SEMA6D: variants seen among roughly 807,000 people sequenced by gnomAD.
The protein encoded by SEMA6D is semaphorin-6D.
A neutral mutation model predicts 106.6 loss-of-function variants in SEMA6D; 35 were observed. The ratio of observed to expected loss-of-function variants is 0.33; its 90% confidence interval spans 0.25 to 0.44. SEMA6D has a LOEUF of 0.44. Ranked by LOEUF, SEMA6D falls within the 20% of genes least tolerant of loss-of-function variation. The probability of loss-of-function intolerance (pLI) is 1.00; values close to 1 mark genes in which losing one functional copy is unlikely to be tolerated. For synonymous variants in SEMA6D, 499 were observed against 487.7 expected (o/e 1.02, Z -0.31); for missense variants, 1,185 against 1,345.9 (o/e 0.88, Z 1.87).
intron 3 of SEMA6D, among the ~76,000 whole-genome samples, chr15:47,479,545 A>G (rs111526418): frequency 8.4e-4 from 128 of 152,300 alleles, no homozygotes; most frequent in African/African-American, 3.0e-3. Context: ...GGACAACTTT[A>G]TGAGGTTGTC....
At chr15:47,739,060 C>T (rs1433231757) in intron 1 of SEMA6D, among the ~76,000 whole-genome samples, 2 of 152,160 alleles carry the variant, frequency 1.3e-5, no homozygotes, top group African/African-American at 4.8e-5. Context: ...GAAGTGGAAG[C>T]TGCCTATGTA....
chr15:47,410,654 C>G (rs1041638054), intron 1 of SEMA6D, among the ~76,000 whole-genome samples: 1 of 152,048 alleles, frequency 6.6e-6, no homozygotes, highest in African/African-American at 2.4e-5. Context: ...TTAAAATGAC[C>G]TGTTCTTCTT....
chr15:47,348,140 A>C (rs1299799935), intron 1 of SEMA6D, among the ~76,000 whole-genome samples: 1 of 152,210 alleles, frequency 6.6e-6, no homozygotes, highest in Non-Finnish European at 1.5e-5. Flanking sequence ...TATTTGCCTC[A>C]TTCCTTACAG....
intron 2 of SEMA6D, among the ~76,000 whole-genome samples, chr15:47,413,812 C>T (rs1178799732): frequency 6.6e-6 from 1 of 152,118 alleles, no homozygotes; most frequent in African/African-American, 2.4e-5. Context: ...ATTTCTTAGT[C>T]CCCATTTTCA....
At chr15:47,216,863 T>C (rs1036828816) in intron 1 of SEMA6D, among the ~76,000 whole-genome samples, 1 of 152,190 alleles carries the variant, frequency 6.6e-6, no homozygotes, top group African/African-American at 2.4e-5. Context: ...TTGCTAATAC[T>C]TCTCATTGGT....
intron 1 of SEMA6D, among the ~76,000 whole-genome samples, chr15:47,202,723 A>G (rs1207526574): frequency 6.6e-6 from 1 of 152,172 alleles, no homozygotes; most frequent in African/African-American, 2.4e-5. Context: ...CTCCTGCTCT[A>G]AAACTTGCCG....
rs189828677 is a variant in SEMA6D at position 47,665,978 on chromosome 15, G to T, written c.-55+65082G>T. 3.4e-3 allele frequency among the ~76,000 whole-genome samples: 521 copies of T among 152,302 alleles called. 3 individuals are homozygous for T. Among genetic ancestry groups the T allele is most frequent in the Middle Eastern group, 6.8e-3 (2 of 294 alleles). On this transcript the variant is annotated intron_variant, in intron 4 of 19. Transcript: ENST00000558014. ...ATTGAGAATAAACTCGGAGTTCCAG[G>T]TTTTTTCTGTTGTTAGACATGTGTC...
intron 3 of SEMA6D, among the ~76,000 whole-genome samples, chr15:47,560,785 T>C (rs2046056012): frequency 6.6e-6 from 1 of 152,094 alleles, no homozygotes; most frequent in Non-Finnish European, 1.5e-5. Context: ...AGTATTATTG[T>C]GTCCTTATAA....
chr15:47,416,045 T>A (rs962457589), intron 2 of SEMA6D, among the ~76,000 whole-genome samples: 1 of 152,100 alleles, frequency 6.6e-6, no homozygotes, highest in African/African-American at 2.4e-5. Context: ...GTCAAAGAAA[T>A]TGCCTGACAT....
At chr15:47,557,589 G>T (rs897449829) in intron 3 of SEMA6D, among the ~76,000 whole-genome samples, 2 of 152,050 alleles carry the variant, frequency 1.3e-5, no homozygotes, top group African/African-American at 4.8e-5. Flanking sequence ...ATGAACCAAG[G>T]ACTTACTACT....
chr15:47,541,565 GA>G (rs2045356481), intron 3 of SEMA6D, among the ~76,000 whole-genome samples: 1 of 152,022 alleles, frequency 6.6e-6, no homozygotes, highest in Non-Finnish European at 1.5e-5. Flanking sequence ...TGGTAGAGGG[GA>G]AAAAAAGAAC....
intron 2 of SEMA6D, among the ~76,000 whole-genome samples, chr15:47,444,444 C>A (rs554417751): frequency 6.6e-6 from 1 of 151,238 alleles, no homozygotes; most frequent in East Asian, 2.0e-4. Flanking sequence ...AAGATCAGGC[C>A]CATGATGCCC....
intron 1 of SEMA6D, among the ~76,000 whole-genome samples, chr15:47,316,789 G>A (rs1266186458): frequency 6.6e-6 from 1 of 151,892 alleles, no homozygotes; most frequent in East Asian, 1.9e-4. Context: ...GTTGTGGTTG[G>A]TTTTTATACA....
intron 1 of SEMA6D, chr15:47,272,905 A>G (rs2034621325): frequency 6.6e-6 from 1 of 152,128 alleles, no homozygotes; most frequent in Admixed American, 6.6e-5. Context: ...TGGACTTTTA[A>G]AAGCCTCTTA....
chr15:47,552,846 A>ATATATAAATATATATATATTTT, intron 3 of SEMA6D, among the ~76,000 whole-genome samples: 1 of 78,290 alleles, frequency 1.3e-5, no homozygotes, highest in Admixed American at 1.9e-4. Context: ...ATATATAAAT[A>ATATATAAATATATATATATTTT]TATATAAATA....
intron 4 of SEMA6D, among the ~76,000 whole-genome samples, chr15:47,703,143 A>T (rs1027001675): frequency 6.6e-6 from 1 of 152,218 alleles, no homozygotes; most frequent in African/African-American, 2.4e-5. Context: ...GACACGATCC[A>T]CTGAAATAAC....
intron 3 of SEMA6D, among the ~76,000 whole-genome samples, chr15:47,549,688 T>C (rs2045625190): frequency 6.6e-6 from 1 of 152,106 alleles, no homozygotes; most frequent in Admixed American, 6.6e-5. Context: ...AACATCTAGG[T>C]CTACTAACCA....
intron 2 of SEMA6D, among the ~76,000 whole-genome samples, chr15:47,457,685 A>G (rs2042386826): frequency 6.6e-6 from 1 of 151,986 alleles, no homozygotes; most frequent in Non-Finnish European, 1.5e-5. Context: ...AGGCTAATAT[A>G]TTTGTAATTA....
chr15:47,312,146 GT>G (rs55676647), intron 1 of SEMA6D, among the ~76,000 whole-genome samples: 12 of 142,254 alleles, frequency 8.4e-5, no homozygotes, highest in East Asian at 6.1e-4. Context: ...TCTTTCTAGG[GT>G]TTTTTTTTTT....
Sources: allele counts gnomAD v4.1 joint callset (sites outside exome capture counted in the v4.1 genomes callset), GRCh38; gene constraint gnomAD v4.1.1; transcripts MANE v1.5; gene names NCBI Gene and HGNC (gene_info 2026-07-23, HGNC 2026-07-21).